BTBD7: variants seen among roughly 807,000 people sequenced by gnomAD.
The protein encoded by BTBD7 is BTB domain containing 7, also known as BTB/POZ domain-containing protein 7.
Under a neutral mutation model 99.9 loss-of-function variants are expected in BTBD7, and 38 were observed. The observed-to-expected ratio is 0.38, with a 90% CI of 0.29 to 0.50. BTBD7 has a LOEUF of 0.50. Ranked by LOEUF, BTBD7 falls within the 20% of genes least tolerant of loss-of-function variation. BTBD7 has a pLI of 0.93. For synonymous variants in BTBD7, 520 were observed against 511.4 expected (o/e 1.02, Z -0.23); for missense variants, 1,170 against 1,394.6 (o/e 0.84, Z 2.57).
chr14:93,258,868 A>G (rs1156646763), intron 5 of BTBD7, among the ~76,000 whole-genome samples: 1 of 152,230 alleles, frequency 6.6e-6, no homozygotes, highest in African/African-American at 2.4e-5. Flanking sequence ...TACAGGCGTG[A>G]GCCACCGTGC....
Position 93,332,916 on chromosome 14 carries a change from C to A in BTBD7, c.-203G>T. On this transcript the variant is annotated 5_prime_UTR_variant, in exon 1 of 11. Transcript: ENST00000334746. ...GCACCGCCGTCCGCACCGGCGCCAGCACCCCCGGCCATCCTCCTCCCACCG... is the reference window on the plus strand; with the variant it reads ...GCACCGCCGTCCGCACCGGCGCCAGAACCCCCGGCCATCCTCCTCCCACCG... 1 of 1,230,794 alleles carries A rather than the reference C, an allele frequency of 8.1e-7. No individual in the cohort carries two copies. Among genetic ancestry groups the A allele is most frequent in the Non-Finnish European group, 1.1e-6 (1 of 929,564 alleles). The allele number at this position is 1,230,794 out of a possible 1,614,324, so 76.2% of individuals were successfully genotyped here.
At chr14:93,273,793 G>C (rs2052625332) in intron 3 of BTBD7, among the ~76,000 whole-genome samples, 1 of 152,162 alleles carries the variant, frequency 6.6e-6, no homozygotes, top group Non-Finnish European at 1.5e-5. Context: ...CATGTTCCCA[G>C]CACAGTCTGA....
rs2052339221 is a variant in BTBD7 at position 93,248,605 on chromosome 14, C to G, written c.1992G>C (p.Leu664=). The part of the protein sequence containing the change: ...MKDMVRRLQE[L]RHTEQVQRAY... The stretch of plus-strand genomic sequence containing the variant: ...CCCTCTGCACCTGCTCCGTGTGCCG[C>G]AGTTCCTGCAGTCGTCTGACCATGT... Residue 664 remains leucine (L), a synonymous_variant, in exon 9 of 11, where the codon CTG becomes CTC. Transcript: ENST00000334746. 3.1e-6 allele frequency: 5 copies of G among 1,613,688 alleles called. No individual in the cohort carries two copies. Among genetic ancestry groups the G allele is most frequent in the South Asian group, 2.2e-5 (2 of 91,056 alleles).
chr14:93,287,128 C>T (rs1162600796), intron 3 of BTBD7, among the ~76,000 whole-genome samples: 1 of 151,740 alleles, frequency 6.6e-6, no homozygotes, highest in Non-Finnish European at 1.5e-5. Flanking sequence ...ACTTGTGAGG[C>T]TGAGGCAGGA....
chr14:93,332,104 T>C (rs1301585411), intron 1 of BTBD7, among the ~76,000 whole-genome samples: 1 of 152,140 alleles, frequency 6.6e-6, no homozygotes, highest in African/African-American at 2.4e-5. Context: ...TCAGAGTTTC[T>C]TGAAAAACGG....
At chr14:93,247,536 G>A (rs1027395729) in intron 9 of BTBD7, among the ~76,000 whole-genome samples, 1 of 152,200 alleles carries the variant, frequency 6.6e-6, no homozygotes, top group Non-Finnish European at 1.5e-5. Flanking sequence ...AGTACAGACA[G>A]GGTTTCACCA....
intron 1 of BTBD7, among the ~76,000 whole-genome samples, chr14:93,304,375 G>T (rs143742941): frequency 6.6e-6 from 1 of 152,140 alleles, no homozygotes; most frequent in Admixed American, 6.6e-5. Flanking sequence ...TTTTTGAGAC[G>T]GAGTCTCGTG....
intron 1 of BTBD7, among the ~76,000 whole-genome samples, chr14:93,303,779 A>C (rs2139789398): frequency 6.6e-6 from 1 of 152,296 alleles, no homozygotes; most frequent in East Asian, 1.9e-4. Flanking sequence ...CCTCAGAAGA[A>C]GATCCTCTTG....
chr14:93,321,710 GC>G, intron 1 of BTBD7, among the ~76,000 whole-genome samples: 1 of 152,286 alleles, frequency 6.6e-6, no homozygotes, highest in East Asian at 1.9e-4. Flanking sequence ...GAGCAAAACT[GC>G]CCAAGTTTGG....
chr14:93,246,391 T>C (rs2052311793), intron 9 of BTBD7, 105 bp from the exon 10 acceptor site: 1 of 1,201,292 alleles, frequency 8.3e-7, no homozygotes, highest in Admixed American at 3.2e-5. Context: ...AAAACCACAG[T>C]CAGCAAGAAT....
At chr14:93,248,818 T>G (rs771724589) in intron 8 of BTBD7, among the ~76,000 whole-genome samples, 164 bp from the exon 9 acceptor site, 11 of 152,226 alleles carry the variant, frequency 7.2e-5, no homozygotes, top group Non-Finnish European at 1.5e-4. Flanking sequence ...TCTCTAATTA[T>G]TTTTCAAGGT....
At position 93,242,979 on chromosome 14, in the gene BTBD7, C is replaced by A; in HGVS notation, c.2693G>T (p.Ser898Ile). ...LPELAVDTEL[S>I]QSVSEAGPGP... ...TGGTCCTGCTTCAGAAACTGACTGG[C>A]TTAATTCTGTGTCTACAGCAAGCTC... is the stretch of plus-strand genomic sequence containing the variant. The change falls in exon 11 of 11, where the codon AGC (serine) becomes ATC (isoleucine). Residue 898 changes from serine to isoleucine, a missense_variant. By Grantham distance (142) the Ser-to-Ile change is moderately radical. This residue lies in a region of BTBD7 where 495 missense variants were observed against 525.9 expected (regional missense o/e 0.94). Coordinates refer to ENST00000334746, the MANE Select transcript of BTBD7 (RefSeq NM_001002860.4). 1 of 1,614,094 alleles carries A rather than the reference C, an allele frequency of 6.2e-7. No individual in the cohort carries two copies. The highest frequency in any genetic ancestry group is 8.5e-7 in the Non-Finnish European group (1 of 1,180,022).
intron 3 of BTBD7, among the ~76,000 whole-genome samples, chr14:93,283,653 G>T (rs2052745852): frequency 6.6e-6 from 1 of 152,192 alleles, no homozygotes; most frequent in South Asian, 2.1e-4. Flanking sequence ...CCTGGTTCAA[G>T]CAATTTTCAT....
chr14:93,246,719 T>C (rs1435952518), intron 9 of BTBD7, among the ~76,000 whole-genome samples: 1 of 152,266 alleles, frequency 6.6e-6, no homozygotes, highest in Non-Finnish European at 1.5e-5. Flanking sequence ...AAAATACTAT[T>C]CATTACCCAT....
At chr14:93,305,153 CTAAA>C (rs1376400960) in intron 1 of BTBD7, among the ~76,000 whole-genome samples, 1 of 152,134 alleles carries the variant, frequency 6.6e-6, no homozygotes. Flanking sequence ...GAGACTGAGT[CTAAA>C]TAAATATGAG....
chr14:93,239,550 G>A lies in BTBD7; in HGVS notation c.*2723C>T, dbSNP rs1016687471. ...AGATGGGTTCAAAAGCCAGAGGCAT[G>A]TAGCTCTTGAACCTACCCTAGTAAC... On this transcript the variant is annotated 3_prime_UTR_variant, in exon 11 of 11. Coordinates refer to ENST00000334746, the MANE Select transcript of BTBD7 (RefSeq NM_001002860.4). The A allele has an allele frequency of 6.6e-6, 1 of 151,884 alleles. No homozygotes were observed. Among genetic ancestry groups the A allele is most frequent in the Non-Finnish European group, 1.5e-5 (1 of 67,986 alleles). The allele number at this position is 151,884 out of a possible 1,614,324, so 9.4% of individuals were successfully genotyped here.
chr14:93,294,681 C>A lies in BTBD7; in HGVS notation c.339G>T (p.Glu113Asp), dbSNP rs980208581. 6.2e-7 allele frequency: 1 copy of A among 1,614,132 alleles called. No homozygotes were observed. The highest frequency in any genetic ancestry group is 1.3e-5 in the African/African-American group (1 of 75,058). Reference sequence around the variant, plus strand: ...TAGCCAAACTGGCTTGTAGAGAAAGCTCCTTTAATGCTGATGTTCCCTCAT... The same window carrying A: ...TAGCCAAACTGGCTTGTAGAGAAAGATCCTTTAATGCTGATGTTCCCTCAT... ...EEYEGTSALK[E>D]LSLQASLARP... Residue 113 changes from glutamate (E) to aspartate (D), a missense_variant, in exon 3 of 11, where the codon GAG (glutamate) becomes GAT (aspartate). Glu to Asp is a conservative substitution (Grantham distance 45). Coordinates refer to ENST00000334746, the MANE Select transcript of BTBD7 (RefSeq NM_001002860.4).
At position 93,238,554 on chromosome 14, in the gene BTBD7, A is replaced by G. The variant is rs1459582240; in HGVS notation, c.*3719T>C. 2 of 152,550 alleles carry G rather than the reference A, an allele frequency of 1.3e-5. No individual in the cohort carries two copies. The highest frequency in any genetic ancestry group is 4.8e-5 in the African/African-American group (2 of 41,468). 9.4% of individuals were successfully genotyped at this position (152,550 alleles called of 1,614,324 possible). A position where few individuals can be genotyped will look rare whatever the true frequency, so the allele number is the denominator to read the frequency against. ...CAACCGAACAATGAAAAAAAGTCAA[A>G]GAAGCATTTCCCTTTGAATTCAGTC... On this transcript the variant is annotated 3_prime_UTR_variant, in exon 11 of 11. Coordinates refer to ENST00000334746, the MANE Select transcript of BTBD7 (RefSeq NM_001002860.4).
chr14:93,304,975 C>T (rs2053053770), intron 1 of BTBD7, among the ~76,000 whole-genome samples: 1 of 152,144 alleles, frequency 6.6e-6, no homozygotes, highest in Admixed American at 6.6e-5. Context: ...TTTCCTCATC[C>T]AGGGCAGTCT....
Sources: allele counts gnomAD v4.1 joint callset (sites outside exome capture counted in the v4.1 genomes callset), GRCh38; gene constraint gnomAD v4.1.1; regional missense constraint gnomAD v4.1.1; transcripts MANE v1.5; gene names NCBI Gene and HGNC (gene_info 2026-07-23, HGNC 2026-07-21).